The following ZNF75A variants were observed in gnomAD, a reference collection of about 807,000 sequenced individuals.
ZNF75A encodes the protein zinc finger protein 75A.
ZNF75A carries 36 observed loss-of-function variants against 46.3 expected under a neutral mutation model. The ratio of observed to expected loss-of-function variants is 0.78; its 90% CI spans 0.60 to 1.03. The LOEUF (loss-of-function observed/expected upper bound fraction) is 1.03, where lower values mean the gene tolerates loss of function less well. ZNF75A is among the 50% of genes least tolerant of loss of function. The probability of loss-of-function intolerance (pLI) is 0.00; values close to 1 mark genes in which losing one functional copy is unlikely to be tolerated. For missense variants in ZNF75A, 595 were observed against 551.3 expected, an observed-to-expected ratio of 1.08 and a Z score of -0.79; for synonymous variants, 234 against 189.9, an observed-to-expected ratio of 1.23 and a Z score of -1.91.
Position 3,310,643 on chromosome 16 carries a change from AC to A in ZNF75A, c.409-1109del, listed in dbSNP as rs58863594. ...CCCCGTCTCAAAACAAAACAAACAAACAAAAAAAACAACTAGGGGAAGACTG... is the reference window on the plus strand; with the variant it reads ...CCCCGTCTCAAAACAAAACAAACAAAAAAAAAAACAACTAGGGGAAGACTG... On this transcript the variant is annotated intron_variant, in intron 2 of 6. Coordinates refer to ENST00000669516, the MANE Select transcript of ZNF75A (RefSeq NM_001302109.2). The A allele has an allele frequency of 0.014, 13,487 of 984,764 alleles. 1,386 individuals are homozygous for A. The African/African-American group carries it at 0.21, about 16-fold the overall frequency. 61.0% of individuals were successfully genotyped at this position (984,764 alleles called of 1,614,324 possible).
chr16:3,310,150 C>G (rs897501492), intron 2 of ZNF75A, among the ~76,000 whole-genome samples: 1 of 151,836 alleles, frequency 6.6e-6, no homozygotes, highest in Admixed American at 6.6e-5. Context: ...GATCTCAGCA[C>G]TTTGGGAGGC....
At chr16:3,312,996 G>GAC (rs1960926634) in intron 4 of ZNF75A, 53 bp from the exon 5 acceptor site, 5 of 1,550,548 alleles carry the variant, frequency 3.2e-6, no homozygotes, top group Non-Finnish European at 4.3e-6. Context: ...CAGGTGGCTA[G>GAC]GCTGCTTCTG....
rs976875571 is a variant in ZNF75A, at chr16:3,318,125, A to C, written c.*256A>C. The C allele has an allele frequency of 1.6e-5, 19 of 1,218,954 alleles. No individual in the cohort carries two copies. In the African/African-American group the frequency reaches 2.8e-4, roughly 18 times the overall value. 75.5% of individuals were successfully genotyped at this position (1,218,954 alleles called of 1,614,324 possible). ...GAACACATCCAATAGAAACATTGGC[A>C]GCATGGTCTTCCAAAACAAAAAGCA... On this transcript the variant is annotated 3_prime_UTR_variant, in exon 7 of 7. Coordinates refer to ENST00000669516, the MANE Select transcript of ZNF75A (RefSeq NM_001302109.2).
At chr16:3,314,955 C>T (rs1186525459) in intron 5 of ZNF75A, 1 of 985,172 alleles carries the variant, frequency 1.0e-6, no homozygotes, top group Non-Finnish European at 1.2e-6. Flanking sequence ...GAGAGGGTCT[C>T]AGTGTTCCAG....
Position 3,318,701 on chromosome 16 carries a change from C to G in ZNF75A, c.*832C>G. ...TTTTGTTTGTTTACTTTTTAATTGG[C>G]TTTTCTTTGTTGTTAAGAATGAGAG... is the stretch of plus-strand genomic sequence containing the variant. On this transcript the variant is annotated 3_prime_UTR_variant, in exon 7 of 7. Transcript: ENST00000669516. The G allele has an allele frequency of 1.0e-6, 1 of 984,930 alleles. No individual in the cohort carries two copies. The highest frequency in any genetic ancestry group is 4.7e-5 in the South Asian group (1 of 21,284). The allele number at this position is 984,930 out of a possible 1,614,324, so 61.0% of individuals were successfully genotyped here. A position where few individuals can be genotyped will look rare whatever the true frequency, so the allele number is the denominator to read the frequency against.
At chr16:3,306,389 T>C (rs1960241775) in intron 1 of ZNF75A, 1 of 152,196 alleles carries the variant, frequency 6.6e-6, no homozygotes, top group South Asian at 2.1e-4. Flanking sequence ...AGGTCAGCTG[T>C]AATTTTCTCC....
chr16:3,314,341 G>A (rs893094279), intron 5 of ZNF75A, among the ~76,000 whole-genome samples: 2 of 152,194 alleles, frequency 1.3e-5, no homozygotes, highest in South Asian at 4.1e-4. Context: ...TCTTTCCTGA[G>A]CAGACAAACA....
chr16:3,310,573 C>G (rs1236571579), intron 2 of ZNF75A: 9 of 680,806 alleles, frequency 1.3e-5, no homozygotes, highest in Non-Finnish European at 1.1e-5. Flanking sequence ...CTGCAGTGAG[C>G]CATGATTGTA....
Position 3,317,024 on chromosome 16 carries a change from TAAATATACC to T in ZNF75A, c.934+4_934+12del. 6.2e-7 allele frequency: 1 copy of T among 1,610,650 alleles called. No homozygotes were observed. The highest frequency in any genetic ancestry group is 8.5e-7 in the Non-Finnish European group (1 of 1,177,352). On this transcript the variant is annotated splice_donor_5th_base_variant and intron_variant, in intron 6 of 6. Coordinates refer to ENST00000669516, the MANE Select transcript of ZNF75A (RefSeq NM_001302109.2). ...ATAGTGCCGGAAAATCTCCTACAGG[TAAATATACC>T]ATGGGAAGTGGAGAAATGTGCCTTG...
In ZNF75A at chr16:3,316,936, A is replaced by T. The variant is rs1323088669; in HGVS notation, c.848A>T (p.Lys283Ile). The T allele has an allele frequency of 6.2e-7, 1 of 1,613,472 alleles. No individual in the cohort carries two copies. The highest frequency in any genetic ancestry group is 1.3e-5 in the African/African-American group (1 of 74,864). Reference protein sequence around the residue: ...SLALFVLPKPKVISCLEQGEE... With the variant: ...SLALFVLPKPIVISCLEQGEE... ...GCATTGTTTGTGCTCCCCAAACCTA[A>T]AGTGATCTCCTGTCTAGAGCAAGGG... Residue 283 changes from lysine (K) to isoleucine (I), a missense_variant, in exon 6 of 7, where the codon AAA becomes ATA. Coordinates refer to ENST00000669516, the MANE Select transcript of ZNF75A (RefSeq NM_001302109.2).
chr16:3,318,252 C>A lies in ZNF75A; in HGVS notation c.*383C>A. The A allele has an allele frequency of 1.0e-6, 1 of 994,212 alleles. No homozygotes were observed. The highest frequency in any genetic ancestry group is 6.0e-5 in the Admixed American group (1 of 16,712). The allele number at this position is 994,212 out of a possible 1,614,324, so 61.6% of individuals were successfully genotyped here. A position where few individuals can be genotyped will look rare whatever the true frequency, so the allele number is the denominator to read the frequency against. The stretch of plus-strand genomic sequence containing the variant: ...AAATGAATTACAATGTAAAGTGTTC[C>A]AGGAACCAAATTGGATTTTCTTTCT... On this transcript the variant is annotated 3_prime_UTR_variant, in exon 7 of 7. Transcript: ENST00000669516.
chr16:3,306,888 A>T (rs574740606), intron 1 of ZNF75A: 1 of 152,014 alleles, frequency 6.6e-6, no homozygotes, highest in African/African-American at 2.4e-5. Flanking sequence ...CCCGCTGTCA[A>T]CTGCCATCCA....
downstream of ZNF75A, among the ~76,000 whole-genome samples, chr16:3,319,144 G>A (rs2011029): frequency 4.9e-3 from 748 of 151,922 alleles, 7 homozygotes; most frequent in African/African-American, 0.016. Context: ...ACAGAGTTTC[G>A]CTCTTGTCAC....
At chr16:3,316,829 G>C in intron 5 of ZNF75A, 83 bp from the exon 6 acceptor site, 1 of 887,482 alleles carries the variant, frequency 1.1e-6, no homozygotes, top group Non-Finnish European at 1.8e-6. Context: ...AAATGTCTTT[G>C]GTCATCCTGA....
In ZNF75A at chr16:3,318,387, C is replaced by A. The variant is rs544354318; in HGVS notation, c.*518C>A. 14 of 987,242 alleles carry A rather than the reference C, an allele frequency of 1.4e-5. No homozygotes were observed. Among genetic ancestry groups the A allele is most frequent in the Middle Eastern group, 1.0e-3 (2 of 1,920 alleles). The allele number at this position is 987,242 out of a possible 1,614,324, so 61.2% of individuals were successfully genotyped here. ...TCACAGTTTTTTACTGTGATGAAAT[C>A]TTGTTAACCACCACTAGGGAATCTC... On this transcript the variant is annotated 3_prime_UTR_variant, in exon 7 of 7. Transcript: ENST00000669516.
At position 3,316,892 on chromosome 16, in the gene ZNF75A, T is replaced by A. The variant is rs1485648860; in HGVS notation, c.824-20T>A. 6.4e-7 allele frequency: 1 copy of A among 1,571,422 alleles called. No individual in the cohort carries two copies. ...ACTGTTAAGTTACCAGTCCTTGACC[T>A]CATTTTGTCCATTTGACAGCATTGT... On this transcript the variant is annotated intron_variant, in intron 5 of 6. Coordinates refer to ENST00000669516, the MANE Select transcript of ZNF75A (RefSeq NM_001302109.2).
At chr16:3,312,987 A>G in intron 4 of ZNF75A, 62 bp from the exon 5 acceptor site, 2 of 1,532,770 alleles carry the variant, frequency 1.3e-6, no homozygotes, top group South Asian at 1.3e-5. Flanking sequence ...ATTCATAGCC[A>G]GGTGGCTAGG....
chr16:3,311,967 A>AT lies in ZNF75A; in HGVS notation c.604+23dup, dbSNP rs751064147. 5.1e-6 allele frequency: 5 copies of AT among 982,676 alleles called. No individual in the cohort carries two copies. The highest frequency in any genetic ancestry group is 6.0e-6 in the Non-Finnish European group (5 of 827,034). The allele number at this position is 982,676 out of a possible 1,614,324, so 60.9% of individuals were successfully genotyped here. On this transcript the variant is annotated intron_variant, in intron 3 of 6. Coordinates refer to ENST00000669516, the MANE Select transcript of ZNF75A (RefSeq NM_001302109.2). ...GAGAGGGGTAAGGAGCTTCATGATA[A>AT]TTTTCTTCTCCTGGGAGCTGTGATA...
Position 3,317,364 on chromosome 16 carries a change from T to G in ZNF75A, c.1109T>G (p.Phe370Cys). ...MHRVGKWHQD[F>C]PVKKRKKLST... ...AGAGTGGGAAAATGGCACCAAGATT[T>G]TCCAGTGAAGAAAAGAAAGAAACTT... The change falls in exon 7 of 7, where the codon TTT becomes TGT. Residue 370 changes from phenylalanine (F) to cysteine (C), a missense_variant. Physicochemically the swap from Phe to Cys is radical, Grantham distance 205. Transcript: ENST00000669516. 1 of 1,614,104 alleles carries G rather than the reference T, an allele frequency of 6.2e-7. No individual in the cohort carries two copies. Among genetic ancestry groups the G allele is most frequent in the Non-Finnish European group, 8.5e-7 (1 of 1,180,016 alleles).
Sources: gnomAD v4.1 joint callset for allele counts (sites outside exome capture counted in the v4.1 genomes callset) on GRCh38, gnomAD v4.1.1 for gene constraint, MANE v1.5 for transcripts, NCBI Gene and HGNC (gene_info 2026-07-23, HGNC 2026-07-21) for gene names.